The following MAP2 variants were observed in gnomAD, a reference collection of about 807,000 sequenced individuals.
MAP2 encodes microtubule associated protein 2, also known as microtubule-associated protein 2.
In MAP2, 14 loss-of-function variants were observed where a neutral mutation model predicts 137.6. That is an observed-to-expected ratio of 0.10 (90% CI 0.07 to 0.16). The LOEUF (loss-of-function observed/expected upper bound fraction) is 0.16, where lower values mean the gene tolerates loss of function less well. Among genes scored for constraint, MAP2 ranks in the 10% least tolerant of loss-of-function variants. MAP2 has a pLI of 1.00. For missense variants in MAP2, 2,088 were observed against 2,191.5 expected (o/e 0.95, Z 0.94); for synonymous variants, 786 against 782.3 (o/e 1.00, Z -0.08).
chr2:209,579,029 A>C (rs1342849745), intron 2 of MAP2, among the ~76,000 whole-genome samples: 1 of 152,182 alleles, frequency 6.6e-6, no homozygotes, highest in Non-Finnish European at 1.5e-5. Context: ...ATATACATAA[A>C]TATATGCATT....
intron 3 of MAP2, 82 bp downstream of exon 3, chr2:209,580,182 ATGAT>A (rs1282878091): frequency 1.3e-5 from 2 of 152,018 alleles, no homozygotes; most frequent in African/African-American, 4.8e-5. Flanking sequence ...TAATTTATCT[ATGAT>A]TGGTCTTTTA....
chr2:209,556,316 T>C (rs2070638105), intron 2 of MAP2, among the ~76,000 whole-genome samples: 2 of 152,176 alleles, frequency 1.3e-5, no homozygotes, highest in South Asian at 4.1e-4. Context: ...AGTGCAGGGA[T>C]TGTAGGCGCG....
intron 3 of MAP2, among the ~76,000 whole-genome samples, chr2:209,608,886 G>T: frequency 6.6e-6 from 1 of 151,520 alleles, no homozygotes; most frequent in Non-Finnish European, 1.5e-5. Flanking sequence ...TTTCATCTTT[G>T]CCCCTCATCC....
At position 209,649,348 on chromosome 2, in the gene MAP2, T is replaced by C. The variant is rs116495928; in HGVS notation, c.-29-3794T>C. ...TTCTTTAATTGCACATTCACATGGT[T>C]TTCAAAGAGATTTGGGTAAAAATAA... On this transcript the variant is annotated intron_variant, in intron 4 of 15. Transcript: ENST00000682079. Among the ~76,000 whole-genome samples, 1,183 of 152,190 alleles carry C rather than the reference T, an allele frequency of 7.8e-3. 16 individuals carry two copies. The highest frequency in any genetic ancestry group is 0.027 in the African/African-American group (1,100 of 41,506).
At chr2:209,593,136 C>T (rs2079737643) in intron 3 of MAP2, among the ~76,000 whole-genome samples, 2 of 151,774 alleles carry the variant, frequency 1.3e-5, no homozygotes, top group Non-Finnish European at 2.9e-5. Flanking sequence ...GATACTTTTC[C>T]ATAATTCATT....
chr2:209,520,645 G>C (rs904350729), intron 2 of MAP2, among the ~76,000 whole-genome samples: 12 of 152,014 alleles, frequency 7.9e-5, no homozygotes, highest in African/African-American at 2.9e-4. Flanking sequence ...GTGTGTTTAA[G>C]GGAAGATTCT....
At chr2:209,566,238 G>A (rs2073387803) in intron 2 of MAP2, among the ~76,000 whole-genome samples, 1 of 152,168 alleles carries the variant, frequency 6.6e-6, no homozygotes, top group South Asian at 2.1e-4. Flanking sequence ...TATATCCTCT[G>A]TCACGGACTT....
At chr2:209,462,386 T>C (rs1303851912) in intron 1 of MAP2, among the ~76,000 whole-genome samples, 1 of 152,196 alleles carries the variant, frequency 6.6e-6, no homozygotes, top group Non-Finnish European at 1.5e-5. Flanking sequence ...TTGTCATGGA[T>C]TTAACACAAG....
chr2:209,536,729 T>C (rs891145377), intron 2 of MAP2, among the ~76,000 whole-genome samples: 2 of 152,154 alleles, frequency 1.3e-5, no homozygotes, highest in Non-Finnish European at 2.9e-5. Context: ...GTGTCTTAAA[T>C]TGAGTTACTT....
chr2:209,542,031 A>T (rs1384316386), intron 2 of MAP2, among the ~76,000 whole-genome samples: 1 of 152,204 alleles, frequency 6.6e-6, no homozygotes, highest in South Asian at 2.1e-4. Context: ...GAGGATGCAC[A>T]ATCTGTGGTA....
At chr2:209,577,707 G>A (rs1327773027) in intron 2 of MAP2, among the ~76,000 whole-genome samples, 1 of 152,126 alleles carries the variant, frequency 6.6e-6, no homozygotes, top group Non-Finnish European at 1.5e-5. Context: ...TGCCTTGGGA[G>A]ACCGACTCAA....
At chr2:209,610,569 T>G (rs1026233719) in intron 3 of MAP2, among the ~76,000 whole-genome samples, 1 of 152,140 alleles carries the variant, frequency 6.6e-6, no homozygotes, top group African/African-American at 2.4e-5. Context: ...TTTTATGTGT[T>G]TACCAAATAA....
At chr2:209,468,367 C>G (rs1704723544) in intron 1 of MAP2, among the ~76,000 whole-genome samples, 1 of 124,762 alleles carries the variant, frequency 8.0e-6, no homozygotes, top group Non-Finnish European at 1.6e-5. Context: ...GTCACCCAGG[C>G]TGGAGTGCAG....
chr2:209,447,230 CT>C (rs1353165791), intron 1 of MAP2, among the ~76,000 whole-genome samples: 2 of 152,016 alleles, frequency 1.3e-5, no homozygotes, highest in Non-Finnish European at 2.9e-5. Flanking sequence ...TGATCATGAA[CT>C]TTCTATTTGA....
intron 1 of MAP2, among the ~76,000 whole-genome samples, chr2:209,475,942 G>A (rs576512851): frequency 2.0e-5 from 3 of 152,170 alleles, no homozygotes; most frequent in East Asian, 1.9e-4. Context: ...CATGCTGAAT[G>A]TTTATTAGAC....
chr2:209,693,040 T>C lies in MAP2; in HGVS notation c.870T>C (p.Thr290=). Residue 290 remains threonine, a synonymous_variant, in exon 8 of 16, where the codon ACT becomes ACC. Transcript: ENST00000682079. ...LVAPISPGPL[T]PMREKDVFDD... is the part of the protein sequence containing the mutation. ...CCCCCATATCTCCTGGCCCTCTGAC[T>C]CCCATGAGGGAAAAAGATGTATTTG... The C allele has an allele frequency of 6.2e-7, 1 of 1,611,988 alleles. No homozygotes were observed. The highest frequency in any genetic ancestry group is 8.5e-7 in the Non-Finnish European group (1 of 1,179,386).
chr2:209,660,975 A>T (rs926748488), intron 5 of MAP2, among the ~76,000 whole-genome samples: 1 of 146,478 alleles, frequency 6.8e-6, no homozygotes, highest in African/African-American at 2.5e-5. Context: ...TCATATCCTG[A>T]CCTCGTGATC....
At chr2:209,477,900 A>T (rs971277112) in intron 1 of MAP2, among the ~76,000 whole-genome samples, 2 of 151,364 alleles carry the variant, frequency 1.3e-5, no homozygotes, top group African/African-American at 4.9e-5. Flanking sequence ...GCTACTGCGG[A>T]GGCTGAGGTG....
intron 1 of MAP2, among the ~76,000 whole-genome samples, chr2:209,472,910 G>C (rs1465146073): frequency 3.9e-5 from 6 of 152,072 alleles, no homozygotes; most frequent in Non-Finnish European, 8.8e-5. Context: ...AACATAAGTG[G>C]ATTAGCAATT....
Sources: allele counts gnomAD v4.1 joint callset (sites outside exome capture counted in the v4.1 genomes callset), GRCh38; gene constraint gnomAD v4.1.1; transcripts MANE v1.5; gene names NCBI Gene and HGNC (gene_info 2026-07-23, HGNC 2026-07-21).